INTS12: variants seen among roughly 807,000 people sequenced by gnomAD.
INTS12 encodes the protein PHD finger protein 22.
Under a neutral mutation model 41.6 loss-of-function variants are expected in INTS12, and 13 were observed. That is an observed-to-expected ratio of 0.31 (90% CI 0.20 to 0.50). The LOEUF (loss-of-function observed/expected upper bound fraction) is 0.50. Among genes scored for constraint, INTS12 ranks in the 20% least tolerant of loss-of-function variants. The probability of loss-of-function intolerance (pLI) is 0.98; values close to 1 mark genes in which losing one functional copy is unlikely to be tolerated. For missense variants in INTS12, 432 were observed against 541.6 expected, an observed-to-expected ratio of 0.80 and a Z score of 2.01; for synonymous variants, 199 against 191.4, an observed-to-expected ratio of 1.04 and a Z score of -0.33.
intron 3 of INTS12, among the ~76,000 whole-genome samples, chr4:105,696,164 C>A (rs978426565): frequency 6.6e-6 from 1 of 152,158 alleles, no homozygotes; most frequent in Admixed American, 6.5e-5. Flanking sequence ...ACTACACCTA[C>A]TTAAAGTGTA....
intron 5 of INTS12, among the ~76,000 whole-genome samples, 163 bp downstream of exon 5, chr4:105,693,136 T>C (rs532173418): frequency 2.0e-5 from 3 of 152,194 alleles, no homozygotes; most frequent in Non-Finnish European, 4.4e-5. Flanking sequence ...ATATGCTAAA[T>C]TGTTATATGG....
At chr4:105,686,584 T>C (rs1731505114) in intron 7 of INTS12, 108 bp downstream of exon 7, 2 of 731,662 alleles carry the variant, frequency 2.7e-6, no homozygotes, top group African/African-American at 1.8e-5. Context: ...TTCTAAAATA[T>C]AGCCATTTAG....
chr4:105,682,856 T>C lies in INTS12; in HGVS notation c.1266A>G (p.Ser422=). The C allele has an allele frequency of 6.2e-7, 1 of 1,614,122 alleles. No individual in the cohort carries two copies. Among genetic ancestry groups the C allele is most frequent in the South Asian group, 1.1e-5 (1 of 91,086 alleles). The part of the protein sequence containing the change: ...PSGSTTSKTT[S]ESSSSPSASL... Reference sequence around the variant, plus strand: ...ATGCTGAGGGAGAGCTGCTGGATTCTGAAGTAGTTTTGCTGGTAGTACTTC... The same window carrying C: ...ATGCTGAGGGAGAGCTGCTGGATTCCGAAGTAGTTTTGCTGGTAGTACTTC... Residue 422 remains serine (S), a synonymous_variant, in exon 8 of 8, where the codon TCA becomes TCG. Coordinates refer to ENST00000340139, the MANE Select transcript of INTS12 (RefSeq NM_020395.4).
intron 1 of INTS12, chr4:105,707,859 T>C (rs1406685386): frequency 5.1e-6 from 3 of 589,394 alleles, no homozygotes; most frequent in African/African-American, 2.0e-5. Context: ...CCAGTCTAAA[T>C]TGGGCATTCA....
chr4:105,698,294 G>A (rs1239644311), intron 3 of INTS12, among the ~76,000 whole-genome samples: 1 of 152,122 alleles, frequency 6.6e-6, no homozygotes, highest in Non-Finnish European at 1.5e-5. Flanking sequence ...TTACCTCCAG[G>A]TGATTCTTAT....
intron 1 of INTS12, 183 bp downstream of exon 1, chr4:105,708,454 GA>G: frequency 1.0e-6 from 1 of 985,462 alleles, no homozygotes. Flanking sequence ...TCCCTCGGAG[GA>G]AGCACAGTCC....
chr4:105,703,458 G>C (rs1391611832), intron 2 of INTS12, among the ~76,000 whole-genome samples, 190 bp downstream of exon 2: 2 of 152,016 alleles, frequency 1.3e-5, no homozygotes, highest in Non-Finnish European at 2.9e-5. Context: ...TATTATCCTT[G>C]ATTTATTGCA....
At chr4:105,694,613 G>A (rs182834767) in intron 4 of INTS12, among the ~76,000 whole-genome samples, 69 of 152,282 alleles carry the variant, frequency 4.5e-4, no homozygotes, top group Non-Finnish European at 9.1e-4. Flanking sequence ...TTACAGGCAT[G>A]AGCCACCACA....
At chr4:105,700,805 T>C (rs1030452295) in intron 2 of INTS12, among the ~76,000 whole-genome samples, 2 of 151,734 alleles carry the variant, frequency 1.3e-5, no homozygotes, top group African/African-American at 4.9e-5. Context: ...GATAAAGATA[T>C]ACATCAAAGG....
chr4:105,702,327 G>A (rs1354217963), intron 2 of INTS12, among the ~76,000 whole-genome samples: 4 of 151,620 alleles, frequency 2.6e-5, no homozygotes, highest in Non-Finnish European at 5.9e-5. Flanking sequence ...TAGTACAGAC[G>A]GGGTTTCATC....
chr4:105,692,483 CAAAAAAAAAAA>C (rs571586438), intron 5 of INTS12, among the ~76,000 whole-genome samples: 7 of 49,212 alleles, frequency 1.4e-4, no homozygotes, highest in African/African-American at 4.7e-4. Context: ...GACTCTGTCT[CAAAAAAAAAAA>C]AAAAAAAAAA....
At chr4:105,698,959 T>C (rs1315591333) in intron 3 of INTS12, among the ~76,000 whole-genome samples, 1 of 152,208 alleles carries the variant, frequency 6.6e-6, no homozygotes, top group Non-Finnish European at 1.5e-5. Flanking sequence ...AAGGATTTGA[T>C]AGAATGTCTT....
At position 105,692,033 on chromosome 4, in the gene INTS12, C is replaced by T. The variant is rs947877246; in HGVS notation, c.600G>A (p.Ala200=). The part of the protein sequence containing the change: ...CHKPQVTDKE[A]NDPRLVWYCA... ...AATACCACACCAGGCGAGGGTCATT[C>T]GCTTCCTTGTCTGTCACCTGGGGTT... The change falls in exon 6 of 8, where the codon GCG becomes GCA. Residue 200 remains alanine (A), a synonymous_variant. Coordinates refer to ENST00000340139, the MANE Select transcript of INTS12 (RefSeq NM_020395.4). The T allele has an allele frequency of 3.7e-6, 6 of 1,609,360 alleles. No individual in the cohort carries two copies. The highest frequency in any genetic ancestry group is 2.7e-5 in the African/African-American group (2 of 74,548).
chr4:105,686,482 T>A (rs1005606740), intron 7 of INTS12, among the ~76,000 whole-genome samples: 11 of 152,230 alleles, frequency 7.2e-5, no homozygotes, highest in Admixed American at 5.9e-4. Flanking sequence ...ACTGTTCGTA[T>A]TTGTGATAAA....
At chr4:105,703,316 G>A (rs1033125683) in intron 2 of INTS12, among the ~76,000 whole-genome samples, 8 of 152,152 alleles carry the variant, frequency 5.3e-5, no homozygotes, top group Middle Eastern at 3.2e-3. Context: ...TAAAGCTTTC[G>A]CTGACCTAGG....
intron 6 of INTS12, among the ~76,000 whole-genome samples, chr4:105,688,083 G>A (rs1025658957): frequency 6.6e-6 from 1 of 152,150 alleles, no homozygotes; most frequent in Non-Finnish European, 1.5e-5. Flanking sequence ...TTTCAAAGGT[G>A]GGTTATGAGG....
chr4:105,703,644 A>C lies in INTS12; in HGVS notation c.-10+4T>G, dbSNP rs1055503561. 6.6e-6 allele frequency: 1 copy of C among 152,224 alleles called. No homozygotes were observed. Among genetic ancestry groups the C allele is most frequent in the South Asian group, 2.1e-4 (1 of 4,832 alleles). 9.4% of individuals were successfully genotyped at this position (152,224 alleles called of 1,614,324 possible). Reference sequence around the variant, plus strand: ...CTAAGTGCAACTGGGAGGAATATACATACATTCTATCTTCAGAATCACCAT... The same window carrying C: ...CTAAGTGCAACTGGGAGGAATATACCTACATTCTATCTTCAGAATCACCAT... On this transcript the variant is annotated splice_donor_region_variant and intron_variant, in intron 2 of 7. Coordinates refer to ENST00000340139, the MANE Select transcript of INTS12 (RefSeq NM_020395.4).
intron 2 of INTS12, 187 bp from the exon 3 acceptor site, chr4:105,700,201 C>A (rs966087369): frequency 2.9e-6 from 1 of 347,410 alleles, no homozygotes. Context: ...TTATCTAGTT[C>A]CTTCCCCCTG....
At chr4:105,692,336 C>A (rs1473073121) in intron 5 of INTS12, among the ~76,000 whole-genome samples, 2 of 151,540 alleles carry the variant, frequency 1.3e-5, no homozygotes, top group Non-Finnish European at 2.9e-5. Flanking sequence ...ATACAAAAAT[C>A]AGCTGGGCAT....
Sources: allele counts gnomAD v4.1 joint callset (sites outside exome capture counted in the v4.1 genomes callset), GRCh38; gene constraint gnomAD v4.1.1; transcripts MANE v1.5; gene names NCBI Gene and HGNC (gene_info 2026-07-23, HGNC 2026-07-21).